UROC1: variants seen among roughly 807,000 people sequenced by gnomAD.
UROC1 encodes urocanate hydratase.
In UROC1, 79 loss-of-function variants were observed where a neutral mutation model predicts 89.5. The observed-to-expected ratio is 0.88, with a 90% CI of 0.74 to 1.06. The LOEUF (loss-of-function observed/expected upper bound fraction) is 1.06, where lower values mean the gene tolerates loss of function less well. Among genes scored for constraint, UROC1 ranks in the 50% least tolerant of loss-of-function variants. The pLI, the probability that UROC1 is intolerant of heterozygous loss-of-function variation, is 0.00. For missense variants in UROC1, 885 were observed against 907.8 expected (o/e 0.97, Z 0.32); for synonymous variants, 361 against 354.8 (o/e 1.02, Z -0.20).
At chr3:126,502,004 G>C in intron 9 of UROC1, 1 of 1,488,168 alleles carries the variant, frequency 6.7e-7, no homozygotes, top group Non-Finnish European at 8.9e-7. Flanking sequence ...CTCAGCTCGG[G>C]GGTTGCGGAA....
Position 126,505,693 on chromosome 3 carries a change from C to A in UROC1, c.813+8G>T. On this transcript the variant is annotated splice_region_variant and intron_variant, in intron 8 of 19. Coordinates refer to ENST00000290868, the MANE Select transcript of UROC1 (RefSeq NM_144639.3). Reference sequence around the variant, plus strand: ...GCAGGAGCGAAGGCCAGGAGCCCCCCAGCTTACCTCTGCTATCACACCGAT... The same window carrying A: ...GCAGGAGCGAAGGCCAGGAGCCCCCAAGCTTACCTCTGCTATCACACCGAT... 6.2e-7 allele frequency: 1 copy of A among 1,613,510 alleles called. No homozygotes were observed. Among genetic ancestry groups the A allele is most frequent in the Non-Finnish European group, 8.5e-7 (1 of 1,179,956 alleles).
chr3:126,500,778 G>A lies in UROC1; in HGVS notation c.1062C>T (p.Tyr354=), dbSNP rs1935900868. ...CCGTGAAGCTGAGCTGCACAGGGTA[G>A]TAGCCGCCATTGAACGGGTTGTGGC... ...TSCHNPFNGG[Y]YPVQLSFTEA... Residue 354 remains tyrosine (Y), a synonymous_variant, in exon 11 of 20, where the codon TAC becomes TAT. Transcript: ENST00000290868. 1 of 1,614,124 alleles carries A rather than the reference G, an allele frequency of 6.2e-7. No individual in the cohort carries two copies. The highest frequency in any genetic ancestry group is 8.5e-7 in the Non-Finnish European group (1 of 1,180,032).
Position 126,482,012 on chromosome 3 carries a change from G to T in UROC1, c.*333C>A. 1 of 363,548 alleles carries T rather than the reference G, an allele frequency of 2.8e-6. No homozygotes were observed. Among genetic ancestry groups the T allele is most frequent in the Non-Finnish European group, 5.1e-6 (1 of 194,422 alleles). 22.5% of individuals were successfully genotyped at this position (363,548 alleles called of 1,614,324 possible). A position where few individuals can be genotyped will look rare whatever the true frequency, so the allele number is the denominator to read the frequency against. On this transcript the variant is annotated 3_prime_UTR_variant, in exon 20 of 20. Coordinates refer to ENST00000290868, the MANE Select transcript of UROC1 (RefSeq NM_144639.3). ...GCTGGCAGGTGGCCAGGAAGCAGAG[G>T]GTGTGATCATCCCAGCCGGAGAGAG...
intron 11 of UROC1, 131 bp from the exon 12 acceptor site, chr3:126,500,285 G>T (rs765985562): frequency 1.2e-6 from 1 of 862,294 alleles, no homozygotes; most frequent in Non-Finnish European, 1.9e-6. Context: ...CTGCTCCTCG[G>T]GTCGGCACCA....
intron 16 of UROC1, among the ~76,000 whole-genome samples, chr3:126,489,745 C>G (rs72979915): frequency 0.039 from 5,962 of 152,192 alleles, 327 homozygotes; most frequent in African/African-American, 0.12. Flanking sequence ...TGTTATATGC[C>G]GGCGCTCCTC....
In UROC1 at chr3:126,481,610, A is replaced by G. The variant is rs775627264; in HGVS notation, c.*735T>C. The G allele has an allele frequency of 6.6e-6, 1 of 152,086 alleles. No homozygotes were observed. Among genetic ancestry groups the G allele is most frequent in the Non-Finnish European group, 1.5e-5 (1 of 68,026 alleles). 9.4% of individuals were successfully genotyped at this position (152,086 alleles called of 1,614,324 possible). A position where few individuals can be genotyped will look rare whatever the true frequency, so the allele number is the denominator to read the frequency against. On this transcript the variant is annotated 3_prime_UTR_variant, in exon 20 of 20. Coordinates refer to ENST00000290868, the MANE Select transcript of UROC1 (RefSeq NM_144639.3). ...ATGAGCCCTGGCCCTGACAGAGGCC[A>G]CTTCCCCCATCCCGGTGACCTCTCA...
Position 126,492,415 on chromosome 3 carries a change from C to T in UROC1, c.1608+3G>A. 1 of 1,613,142 alleles carries T rather than the reference C, an allele frequency of 6.2e-7. No homozygotes were observed. The highest frequency in any genetic ancestry group is 8.5e-7 in the Non-Finnish European group (1 of 1,179,694). On this transcript the variant is annotated splice_donor_region_variant and intron_variant, in intron 16 of 19. Coordinates refer to ENST00000290868, the MANE Select transcript of UROC1 (RefSeq NM_144639.3). ...GCTTCCCCCAGAGCACAGGACACCT[C>T]ACCTTGATCCTCCTGCAGGCGATGG...
At chr3:126,497,748 G>A (rs1935813867) in intron 14 of UROC1, among the ~76,000 whole-genome samples, 2 of 152,220 alleles carry the variant, frequency 1.3e-5, no homozygotes, top group South Asian at 2.1e-4. Context: ...TCTGTCACTC[G>A]CAGCCAGAGG....
At chr3:126,482,510 T>A (rs1935412276) in intron 19 of UROC1, 25 bp from the exon 20 acceptor site, 1 of 1,613,620 alleles carries the variant, frequency 6.2e-7, no homozygotes, top group East Asian at 2.2e-5. Context: ...GGGATAGCAG[T>A]CCATGTCAAC....
At chr3:126,501,736 T>G in intron 9 of UROC1, 1 of 1,557,232 alleles carries the variant, frequency 6.4e-7, no homozygotes, top group Non-Finnish European at 8.7e-7. Flanking sequence ...AGTAGAGATA[T>G]CAAAAAGCAG....
At chr3:126,502,513 CAT>C (rs1560123354) in intron 9 of UROC1, among the ~76,000 whole-genome samples, 1 of 148,540 alleles carries the variant, frequency 6.7e-6, no homozygotes, top group Non-Finnish European at 1.5e-5. Context: ...AGTGTGTATG[CAT>C]GTGTGTGTTA....
intron 13 of UROC1, 91 bp from the exon 14 acceptor site, chr3:126,498,263 A>C: frequency 6.2e-7 from 1 of 1,605,206 alleles, no homozygotes; most frequent in East Asian, 2.2e-5. Context: ...AGGGCTCAGC[A>C]TCCAGAAGTC....
intron 13 of UROC1, 25 bp downstream of exon 13, chr3:126,499,312 G>A: frequency 1.2e-6 from 2 of 1,608,530 alleles, no homozygotes; most frequent in Non-Finnish European, 1.7e-6. Context: ...GGGCACACTA[G>A]ATGTGGCAGC....
At chr3:126,498,898 C>T (rs1331862016) in intron 13 of UROC1, among the ~76,000 whole-genome samples, 2 of 152,158 alleles carry the variant, frequency 1.3e-5, no homozygotes, top group South Asian at 4.1e-4. Context: ...CGCCCTCATC[C>T]CCTGCTTGTC....
chr3:126,506,031 C>G lies in UROC1; in HGVS notation c.603-20G>C. 6.2e-7 allele frequency: 1 copy of G among 1,613,304 alleles called. No individual in the cohort carries two copies. Among genetic ancestry groups the G allele is most frequent in the South Asian group, 1.1e-5 (1 of 91,084 alleles). The stretch of plus-strand genomic sequence containing the variant: ...CCGTACCTGACCACAGGGAGAGAAG[C>G]CAAGCCCAGGGCTCAGCCAGTGCCA... On this transcript the variant is annotated intron_variant, in intron 6 of 19. Coordinates refer to ENST00000290868, the MANE Select transcript of UROC1 (RefSeq NM_144639.3).
At position 126,501,358 on chromosome 3, in the gene UROC1, C is replaced by T. The variant is rs1935919800; in HGVS notation, c.903-78G>A. 2.6e-6 allele frequency: 4 copies of T among 1,552,470 alleles called. No homozygotes were observed. In the South Asian group the frequency reaches 4.5e-5, roughly 17 times the overall value. On this transcript the variant is annotated intron_variant, in intron 9 of 19. Coordinates refer to ENST00000290868, the MANE Select transcript of UROC1 (RefSeq NM_144639.3). ...CCCAGACACACCTGCACCCCAGCTG[C>T]ACACAGGGGCAGACCCAGGAGGCCA...
In UROC1 at chr3:126,517,645, C is replaced by T. The variant is rs1210520970; in HGVS notation, c.75G>A (p.Gly25=). Residue 25 remains glycine, a synonymous_variant, in exon 1 of 20, where the codon GGG becomes GGA. Transcript: ENST00000290868. ...GGGTCCTGACAGGGGCATGGGGCAC[C>T]CCAGCCTGGCGTCCCCGGTTCTCTG... is the stretch of plus-strand genomic sequence containing the variant. ...PLPENRGRQA[G]VPHAPVRTPS... 1.2e-6 allele frequency: 2 copies of T among 1,610,712 alleles called. No individual in the cohort carries two copies. Among genetic ancestry groups the T allele is most frequent in the East Asian group, 2.2e-5 (1 of 44,814 alleles).
intron 8 of UROC1, among the ~76,000 whole-genome samples, chr3:126,504,464 G>T (rs1576725395): frequency 1.3e-5 from 2 of 152,200 alleles, no homozygotes. Context: ...TAGAGTCATA[G>T]CAGACACTTC....
intron 1 of UROC1, among the ~76,000 whole-genome samples, chr3:126,514,569 A>G (rs751634966): frequency 6.6e-6 from 1 of 152,108 alleles, no homozygotes. Context: ...CCAAATAATG[A>G]AACACTATGC....
Sources: allele counts gnomAD v4.1 joint callset (sites outside exome capture counted in the v4.1 genomes callset), GRCh38; gene constraint gnomAD v4.1.1; transcripts MANE v1.5; gene names NCBI Gene and HGNC (gene_info 2026-07-23, HGNC 2026-07-21).